SHANK2: variants seen among roughly 807,000 people sequenced by gnomAD.
SHANK2 encodes the protein SH3 and multiple ankyrin repeat domains 2.
SHANK2 carries 43 observed loss-of-function variants against 133.7 expected under a neutral mutation model. The ratio of observed to expected loss-of-function variants is 0.32; its 90% confidence interval spans 0.25 to 0.41. SHANK2 has a LOEUF of 0.41. Ranked by LOEUF, SHANK2 falls within the 10% of genes least tolerant of loss-of-function variation. SHANK2 has a pLI of 1.00. For synonymous variants in SHANK2, 1,017 were observed against 952.8 expected (o/e 1.07, Z -1.24); for missense variants, 1,994 against 2,235.8 (o/e 0.89, Z 2.18).
chr11:70,505,389 G>A (rs2059121523), intron 17 of SHANK2, among the ~76,000 whole-genome samples: 1 of 152,110 alleles, frequency 6.6e-6, no homozygotes, highest in South Asian at 2.1e-4. Flanking sequence ...AGCTGAGATG[G>A]AGGAGGCAGG....
intron 10 of SHANK2, among the ~76,000 whole-genome samples, chr11:70,903,048 T>A (rs1026416083): frequency 6.6e-6 from 1 of 152,002 alleles, no homozygotes; most frequent in African/African-American, 2.4e-5. Context: ...TTGACAACCA[T>A]CTCCTCCTTA....
chr11:70,753,106 C>G (rs1232716656), intron 14 of SHANK2, among the ~76,000 whole-genome samples: 11 of 151,182 alleles, frequency 7.3e-5, no homozygotes, highest in Admixed American at 7.3e-4. Context: ...GAGTGAGATT[C>G]TGTCTCAAAA....
chr11:70,875,381 C>T (rs1392280859), intron 11 of SHANK2, among the ~76,000 whole-genome samples: 5 of 151,712 alleles, frequency 3.3e-5, no homozygotes, highest in Admixed American at 3.3e-4. Context: ...AAAAATTAGC[C>T]AGGCGTGGTG....
intron 17 of SHANK2, among the ~76,000 whole-genome samples, chr11:70,519,540 G>C (rs776874551): frequency 6.6e-6 from 1 of 151,988 alleles, no homozygotes; most frequent in Non-Finnish European, 1.5e-5. Context: ...CCAGCTACTC[G>C]GGAGGCTGAG....
chr11:70,768,464 C>T lies in SHANK2; in HGVS notation c.1777+29979G>A, dbSNP rs534340898. 7.2e-5 allele frequency among the ~76,000 whole-genome samples: 11 copies of T among 152,192 alleles called. No individual in the cohort carries two copies. The East Asian group carries it at 2.1e-3, about 29-fold the overall frequency. On this transcript the variant is annotated intron_variant, in intron 14 of 25. Coordinates refer to ENST00000601538, the MANE Select transcript of SHANK2 (RefSeq NM_012309.5). ...GACCCGGAGGCAGTTCAGGGAAGGC[C>T]CTTGGAGTGGCGGCACAGTGGGGAG...
chr11:70,955,139 C>T (rs547836647), intron 10 of SHANK2, among the ~76,000 whole-genome samples: 4 of 152,218 alleles, frequency 2.6e-5, no homozygotes, highest in Non-Finnish European at 2.9e-5. Flanking sequence ...CCATTCTGAA[C>T]GTCTCTCATT....
intron 11 of SHANK2, among the ~76,000 whole-genome samples, chr11:70,837,473 C>G (rs1555060343): frequency 6.6e-6 from 1 of 152,220 alleles, no homozygotes; most frequent in Non-Finnish European, 1.5e-5. Flanking sequence ...CTTTCCTTCA[C>G]CATCCTGTCC....
chr11:70,604,562 C>A (rs973545965), intron 17 of SHANK2: 2 of 152,234 alleles, frequency 1.3e-5, no homozygotes, highest in Admixed American at 6.5e-5. Context: ...TGACCCGAGA[C>A]CTCCTGGTGA....
chr11:71,112,162 G>A (rs966596033), intron 5 of SHANK2, among the ~76,000 whole-genome samples: 2 of 152,228 alleles, frequency 1.3e-5, no homozygotes, highest in Non-Finnish European at 2.9e-5. Flanking sequence ...GGGAGGCCGA[G>A]GCGGATGGAT....
chr11:70,876,070 C>A (rs576993802), intron 11 of SHANK2, among the ~76,000 whole-genome samples: 7 of 151,272 alleles, frequency 4.6e-5, no homozygotes, highest in African/African-American at 1.5e-4. Flanking sequence ...GCAGGAGAAT[C>A]ACTTGAACCC....
In SHANK2 at chr11:70,518,439, G is replaced by A. The variant is rs180864562; in HGVS notation, c.2062-15508C>T. 3.3e-5 allele frequency among the ~76,000 whole-genome samples: 5 copies of A among 152,330 alleles called. No homozygotes were observed. In the South Asian group the frequency reaches 6.2e-4, roughly 19 times the overall value. ...TGCATTCCTGGTATCATGAGGCACC[G>A]CGTCATGGCTCAGGCTCCCTGAGTG... On this transcript the variant is annotated intron_variant, in intron 17 of 25. Coordinates refer to ENST00000601538, the MANE Select transcript of SHANK2 (RefSeq NM_012309.5).
chr11:70,617,955 T>C (rs2060775331), intron 17 of SHANK2, among the ~76,000 whole-genome samples: 1 of 152,086 alleles, frequency 6.6e-6, no homozygotes, highest in Non-Finnish European at 1.5e-5. Flanking sequence ...AACCTGCACG[T>C]TGTGCACATG....
intron 17 of SHANK2, among the ~76,000 whole-genome samples, chr11:70,545,734 A>T (rs145682166): frequency 6.6e-6 from 1 of 152,232 alleles, no homozygotes; most frequent in South Asian, 2.1e-4. Flanking sequence ...CAATTCTGAC[A>T]GTACCTCCCA....
chr11:71,161,499 C>T (rs1565487360), intron 2 of SHANK2, among the ~76,000 whole-genome samples: 1 of 152,200 alleles, frequency 6.6e-6, no homozygotes, highest in Non-Finnish European at 1.5e-5. Flanking sequence ...CTGAAGTCTG[C>T]TACCTGTAAG....
At chr11:70,599,921 A>AAGAAAGAAAGAT (rs2060465395) in intron 17 of SHANK2, among the ~76,000 whole-genome samples, 2 of 61,222 alleles carry the variant, frequency 3.3e-5, no homozygotes, top group African/African-American at 1.3e-4. Flanking sequence ...GAAAGAAAGA[A>AAGAAAGAAAGAT]AGAAAGAAAG....
intron 17 of SHANK2, among the ~76,000 whole-genome samples, chr11:70,646,837 A>AT (rs1375954622): frequency 1.2e-3 from 97 of 80,368 alleles, no homozygotes; most frequent in Admixed American, 3.2e-3. Flanking sequence ...TATTTTATTT[A>AT]TTTATTTATT....
intron 11 of SHANK2, among the ~76,000 whole-genome samples, chr11:70,883,659 G>C (rs1590794419): frequency 6.6e-6 from 1 of 152,306 alleles, no homozygotes; most frequent in East Asian, 1.9e-4. Flanking sequence ...GCAAAACTAG[G>C]GGGCCCGGGA....
In SHANK2 at chr11:70,487,671, G is replaced by T. The variant is rs1555154664; in HGVS notation, c.2622C>A (p.Phe874Leu). 1 of 1,586,972 alleles carries T rather than the reference G, an allele frequency of 6.3e-7. No individual in the cohort carries two copies. The highest frequency in any genetic ancestry group is 1.8e-5 in the Admixed American group (1 of 55,694). ...TGTCCGGCATGGACAGGCTTCTGGT[G>T]AACTTCAGCATTGGAGGAGCCAGAA... Reference protein sequence around the residue: ...RQFLAPPMLKFTRSLSMPDTS... With the variant: ...RQFLAPPMLKLTRSLSMPDTS... The change falls in exon 25 of 26, where the codon TTC becomes TTA. Residue 874 changes from phenylalanine to leucine, a missense_variant. Coordinates refer to ENST00000601538, the MANE Select transcript of SHANK2 (RefSeq NM_012309.5). This position sits in a 1 kb window ranked among gnomAD's most constrained non-coding sequence, Gnocchi z 5.8.
At chr11:70,940,637 C>T (rs970045799) in intron 10 of SHANK2, among the ~76,000 whole-genome samples, 30 of 152,220 alleles carry the variant, frequency 2.0e-4, no homozygotes, top group African/African-American at 7.2e-4. Context: ...CCAGAACCGA[C>T]TCAATTTTTC....
Sources: allele counts gnomAD v4.1 joint callset (sites outside exome capture counted in the v4.1 genomes callset), GRCh38; gene constraint gnomAD v4.1.1; non-coding constraint Gnocchi (gnomAD v3.1); transcripts MANE v1.5; gene names NCBI Gene and HGNC (gene_info 2026-07-23, HGNC 2026-07-21).